Variants in ZNF568 observed in about 807,000 individuals in gnomAD.
The protein encoded by ZNF568 is p53 inhibitor of SCO2 activation.
Under a neutral mutation model 18.1 loss-of-function variants are expected in ZNF568, and 11 were observed. The observed-to-expected ratio is 0.61, with a 90% CI of 0.38 to 1.00. ZNF568 has a LOEUF of 1.00. Among genes scored for constraint, ZNF568 ranks in the 50% least tolerant of loss-of-function variants. The probability of loss-of-function intolerance (pLI) is 0.01; values close to 1 mark genes in which losing one functional copy is unlikely to be tolerated. For synonymous variants in ZNF568, 213 were observed against 246.6 expected, an observed-to-expected ratio of 0.86 and a Z score of 1.28; for missense variants, 639 against 768.2, an observed-to-expected ratio of 0.83 and a Z score of 1.99.
intron 6 of ZNF568, among the ~76,000 whole-genome samples, chr19:36,964,246 A>G (rs1568399863): frequency 1.3e-5 from 2 of 152,136 alleles, no homozygotes; most frequent in East Asian, 1.9e-4. Context: ...TAACTTTGTA[A>G]GATCTCCTAA....
chr19:36,972,332 A>C (rs1366492632), intron 6 of ZNF568, among the ~76,000 whole-genome samples: 1 of 152,090 alleles, frequency 6.6e-6, no homozygotes, highest in African/African-American at 2.4e-5. Flanking sequence ...TCCTTCTGCA[A>C]CTTAATCCTC....
Position 36,950,578 on chromosome 19 carries a change from A to G in ZNF568, c.1425A>G (p.Glu475=). ...QKIHTGEKPY[E]CSECGKAFIQ... Reference sequence around the variant, plus strand: ...TTCACACTGGAGAGAAACCTTATGAATGCAGTGAATGTGGGAAAGCTTTTA... The same window carrying G: ...TTCACACTGGAGAGAAACCTTATGAGTGCAGTGAATGTGGGAAAGCTTTTA... The change falls in exon 7 of 7, where the codon GAA becomes GAG. Residue 475 remains glutamate, a synonymous_variant. Coordinates refer to ENST00000333987, the MANE Select transcript of ZNF568 (RefSeq NM_198539.4). The G allele has an allele frequency of 6.2e-7, 1 of 1,613,818 alleles. No homozygotes were observed. The highest frequency in any genetic ancestry group is 8.5e-7 in the Non-Finnish European group (1 of 1,179,794).
At chr19:36,991,248 G>A (rs1336680706) in exon 3 of ZNF568, 6 of 1,536,066 alleles carry the variant, frequency 3.9e-6, no homozygotes, top group Non-Finnish European at 8.7e-7. Flanking sequence ...TGCTCAGAAG[G>A]ATTTGTACCG....
intron 7 of ZNF568, among the ~76,000 whole-genome samples, chr19:36,976,912 G>GA (rs201593467): frequency 0.014 from 2,063 of 150,638 alleles, 23 homozygotes; most frequent in African/African-American, 0.025. Context: ...CTCCGTCTAA[G>GA]AAAAAAAAAG....
chr19:36,973,914 T>C (rs1256172143), intron 6 of ZNF568, among the ~76,000 whole-genome samples: 1 of 152,054 alleles, frequency 6.6e-6, no homozygotes, highest in East Asian at 1.9e-4. Flanking sequence ...AGTCAGTAGG[T>C]AGTGAATCTC....
At chr19:36,978,428 A>G (rs899353722) in intron 7 of ZNF568, among the ~76,000 whole-genome samples, 6 of 152,108 alleles carry the variant, frequency 3.9e-5, no homozygotes, top group African/African-American at 1.4e-4. Context: ...TCAGAAACAC[A>G]GGGTGCAATT....
At chr19:36,938,834 C>T (rs760638213) in intron 6 of ZNF568, among the ~76,000 whole-genome samples, 1 of 152,112 alleles carries the variant, frequency 6.6e-6, no homozygotes, top group Non-Finnish European at 1.5e-5. Context: ...GCTTAAGTGG[C>T]TTTATGAGGC....
Position 36,950,697 on chromosome 19 carries a change from C to A in ZNF568, c.1544C>A (p.Ser515Ter). 6.2e-7 allele frequency: 1 copy of A among 1,613,758 alleles called. No homozygotes were observed. The highest frequency in any genetic ancestry group is 8.5e-7 in the Non-Finnish European group (1 of 1,179,934). The part of the protein sequence containing the change: ...TVCGKAFSQK[S>*]NLTEHEKIHT... ...TGTGGAAAAGCCTTTAGTCAGAAAT[C>A]AAACCTCACTGAACATGAGAAAATT... The change falls in exon 7 of 7, where the codon TCA becomes TAA. Residue 515 changes from serine (S) to a stop codon, truncating the protein, a stop_gained. Transcript: ENST00000333987. LOFTEE classifies it low-confidence loss of function (END_TRUNC).
intron 7 of ZNF568, among the ~76,000 whole-genome samples, chr19:36,974,861 C>G (rs1421352160): frequency 1.5e-5 from 2 of 131,590 alleles, no homozygotes; most frequent in African/African-American, 5.9e-5. Flanking sequence ...GAGTCTCGTT[C>G]TGTTGCCCAG....
chr19:36,959,717 G>A (rs1095489), intron 6 of ZNF568, among the ~76,000 whole-genome samples: 1 of 152,030 alleles, frequency 6.6e-6, no homozygotes, highest in Non-Finnish European at 1.5e-5. Context: ...ATATTTCCTC[G>A]TCATTCAGTC....
intron 6 of ZNF568, among the ~76,000 whole-genome samples, chr19:36,960,487 A>G (rs2074140589): frequency 6.6e-6 from 1 of 151,828 alleles, no homozygotes; most frequent in South Asian, 2.1e-4. Flanking sequence ...GCCTTATTTC[A>G]CAGGTTTGGG....
intron 6 of ZNF568, among the ~76,000 whole-genome samples, chr19:36,966,319 C>A (rs2074194799): frequency 6.6e-6 from 1 of 152,024 alleles, no homozygotes; most frequent in African/African-American, 2.4e-5. Flanking sequence ...CTTTGTTTCC[C>A]AGGCTGGTCT....
At chr19:36,997,450 G>A, downstream of ZNF568, 1 of 1,589,148 alleles carries the variant, frequency 6.3e-7, no homozygotes, top group South Asian at 1.1e-5. Context: ...AGTTCACACT[G>A]GGGAGAGACC....
At position 36,970,633 on chromosome 19, in the gene ZNF568, G is replaced by A. The variant is rs1173945729; in HGVS notation, c.359-3787G>A. ...ATTACAGGTATGAGCCACCATGCCC[G>A]GCCATGTCTTTAATAAATTTTATGC... is the stretch of plus-strand genomic sequence containing the variant. On this transcript the variant is annotated intron_variant, in intron 6 of 7. Coordinates refer to the ZNF568 transcript ENST00000427117. Among the ~76,000 whole-genome samples the A allele has an allele frequency of 2.6e-5, 4 of 151,934 alleles. No individual in the cohort carries two copies. In the East Asian group the frequency reaches 7.7e-4, roughly 29 times the overall value.
At chr19:36,918,499 C>T (rs777507076) in intron 2 of ZNF568, among the ~76,000 whole-genome samples, 18 of 152,070 alleles carry the variant, frequency 1.2e-4, no homozygotes, top group Non-Finnish European at 1.9e-4. Context: ...CTGTACTGTA[C>T]GTGTTCAGTA....
chr19:36,949,803 A>G lies in ZNF568; in HGVS notation c.650A>G (p.Tyr217Cys). 6.2e-7 allele frequency: 1 copy of G among 1,613,982 alleles called. No individual in the cohort carries two copies. The highest frequency in any genetic ancestry group is 8.5e-7 in the Non-Finnish European group (1 of 1,179,942). ...FGKPFYHCAS[Y>C]VVTPFKCNQC... ...AAACCATTTTACCATTGTGCATCCT[A>G]TGTTGTAACCCCCTTTAAGTGTAAT... Residue 217 changes from tyrosine (Y) to cysteine (C), a missense_variant, in exon 7 of 7, where the codon TAT becomes TGT. Tyr to Cys is a radical substitution (Grantham distance 194, BLOSUM62 -2). Coordinates refer to ENST00000333987, the MANE Select transcript of ZNF568 (RefSeq NM_198539.4).
chr19:36,988,611 C>T (rs892059541), intron 2 of ZNF568, among the ~76,000 whole-genome samples: 1 of 152,136 alleles, frequency 6.6e-6, no homozygotes, highest in Non-Finnish European at 1.5e-5. Flanking sequence ...GAAGTATTCA[C>T]CCCTGTGTTC....
intron 6 of ZNF568, among the ~76,000 whole-genome samples, chr19:36,942,421 A>G (rs1039377954): frequency 1.3e-5 from 2 of 150,802 alleles, no homozygotes; most frequent in Non-Finnish European, 3.0e-5. Context: ...AACATGGTGA[A>G]ACCCCATCTC....
intron 6 of ZNF568, among the ~76,000 whole-genome samples, chr19:36,967,578 A>T (rs1028574180): frequency 2.0e-5 from 3 of 152,144 alleles, no homozygotes; most frequent in Non-Finnish European, 4.4e-5. Flanking sequence ...AAACAAAACA[A>T]ACAAGCAAAA....
Sources: gnomAD v4.1 joint callset for allele counts (sites outside exome capture counted in the v4.1 genomes callset) on GRCh38, gnomAD v4.1.1 for gene constraint, MANE v1.5 for transcripts, NCBI Gene and HGNC (gene_info 2026-07-23, HGNC 2026-07-21) for gene names.